Variants in GALNT17 observed in about 807,000 individuals in gnomAD.
GALNT17 encodes the protein UDP-GalNAc:polypeptide N-acetylgalactosaminyltransferase-like 3.
A neutral mutation model predicts 63.7 loss-of-function variants in GALNT17; 29 were observed. The ratio of observed to expected loss-of-function variants is 0.46; its 90% CI spans 0.34 to 0.62. The LOEUF (loss-of-function observed/expected upper bound fraction) is 0.62. Among genes scored for constraint, GALNT17 ranks in the 20% least tolerant of loss-of-function variants. GALNT17 has a pLI of 0.01. For missense variants in GALNT17, 603 were observed against 799.6 expected, an observed-to-expected ratio of 0.75 and a Z score of 2.97; for synonymous variants, 305 against 318.3, an observed-to-expected ratio of 0.96 and a Z score of 0.45.
intron 1 of GALNT17, among the ~76,000 whole-genome samples, chr7:71,253,242 C>G (rs1038940481): frequency 6.6e-6 from 1 of 152,160 alleles, no homozygotes; most frequent in African/African-American, 2.4e-5. Context: ...CACAGTTCCC[C>G]GTGGCTGGGG....
intron 3 of GALNT17, among the ~76,000 whole-genome samples, chr7:71,403,399 T>A (rs1338634369): frequency 6.6e-6 from 1 of 152,198 alleles, no homozygotes. Flanking sequence ...TGGTTTGGTA[T>A]TAGCAGAGCT....
At chr7:71,622,926 C>T (rs1790317640) in intron 6 of GALNT17, among the ~76,000 whole-genome samples, 1 of 152,200 alleles carries the variant, frequency 6.6e-6, no homozygotes, top group African/African-American at 2.4e-5. Context: ...CCAGACTTTC[C>T]TCACTGACCC....
At chr7:71,296,825 TACAC>T (rs1426025780) in intron 1 of GALNT17, among the ~76,000 whole-genome samples, 1 of 152,038 alleles carries the variant, frequency 6.6e-6, no homozygotes, top group Non-Finnish European at 1.5e-5. Flanking sequence ...ATGGTAGAAA[TACAC>T]ACACCACACA....
At chr7:71,527,124 T>C (rs554124703) in intron 5 of GALNT17, among the ~76,000 whole-genome samples, 1 of 152,336 alleles carries the variant, frequency 6.6e-6, no homozygotes, top group Non-Finnish European at 1.5e-5. Flanking sequence ...GTTTTTGTTT[T>C]CATAATTGTG....
intron 1 of GALNT17, among the ~76,000 whole-genome samples, chr7:71,293,368 C>G (rs538618266): frequency 3.9e-4 from 60 of 152,232 alleles, no homozygotes; most frequent in African/African-American, 1.4e-3. Context: ...CAACCCTTAC[C>G]TTGTCTTTTT....
At chr7:71,603,069 C>A (rs1343533015) in intron 6 of GALNT17, among the ~76,000 whole-genome samples, 1 of 152,018 alleles carries the variant, frequency 6.6e-6, no homozygotes, top group Non-Finnish European at 1.5e-5. Context: ...GGATACTATG[C>A]TAAGTGCATA....
chr7:71,471,421 A>G (rs1033679697), intron 5 of GALNT17, among the ~76,000 whole-genome samples: 1 of 123,508 alleles, frequency 8.1e-6, no homozygotes, highest in Non-Finnish European at 1.7e-5. Context: ...AAAACAAAAA[A>G]AACCAAAAAC....
chr7:71,215,730 C>G (rs1346641261), intron 1 of GALNT17, among the ~76,000 whole-genome samples: 1 of 152,126 alleles, frequency 6.6e-6, no homozygotes, highest in African/African-American at 2.4e-5. Context: ...TGGAATTTAA[C>G]TTGCTTCTGT....
intron 5 of GALNT17, among the ~76,000 whole-genome samples, chr7:71,511,956 T>C (rs1368250722): frequency 1.3e-5 from 2 of 151,924 alleles, no homozygotes; most frequent in Non-Finnish European, 2.9e-5. Context: ...TTTTTCCTTC[T>C]ATCTGCAGTT....
intron 1 of GALNT17, among the ~76,000 whole-genome samples, chr7:71,195,776 T>C (rs117656051): frequency 0.015 from 2,315 of 152,158 alleles, 91 homozygotes; most frequent in East Asian, 0.1. Flanking sequence ...CTGGAACTCC[T>C]AAGCTCAAGC....
Position 71,590,831 on chromosome 7 carries a change from G to A in GALNT17, c.1080+19429G>A, listed in dbSNP as rs140312522. Among the ~76,000 whole-genome samples the A allele has an allele frequency of 4.2e-3, 638 of 152,192 alleles. 13 individuals carry two copies. The highest frequency in any genetic ancestry group is 0.015 in the African/African-American group (611 of 41,540). On this transcript the variant is annotated intron_variant, in intron 6 of 10. Transcript: ENST00000333538. ...GAACCTCCGCCTCCTGAGTTCAAGC[G>A]ATTCTCCAGCCTCAGCCTCCCAAGT...
intron 9 of GALNT17, among the ~76,000 whole-genome samples, chr7:71,693,853 CA>C (rs1220926003): frequency 6.8e-6 from 1 of 148,122 alleles, no homozygotes; most frequent in Non-Finnish European, 1.5e-5. Flanking sequence ...GGAAAGAAAA[CA>C]AGTTCTTTGT....
chr7:71,340,440 G>C (rs1791988286), intron 2 of GALNT17, among the ~76,000 whole-genome samples: 1 of 152,138 alleles, frequency 6.6e-6, no homozygotes, highest in Non-Finnish European at 1.5e-5. Context: ...CTAAGGAAAA[G>C]GCTGATAGAT....
intron 9 of GALNT17, among the ~76,000 whole-genome samples, chr7:71,707,361 T>A (rs950622856): frequency 1.3e-5 from 2 of 152,190 alleles, no homozygotes; most frequent in Non-Finnish European, 2.9e-5. Flanking sequence ...GCATTTTTTT[T>A]ATTTTGGAAT....
At chr7:71,662,960 T>C (rs648415) in intron 6 of GALNT17, among the ~76,000 whole-genome samples, 98,231 of 152,098 alleles carry the variant, frequency 0.65, 32,426 homozygotes, top group East Asian at 0.99. Flanking sequence ...AAGATATTAT[T>C]CCTTAGCCCA....
chr7:71,610,667 A>G (rs1790111956), intron 6 of GALNT17, among the ~76,000 whole-genome samples: 1 of 152,162 alleles, frequency 6.6e-6, no homozygotes, highest in Admixed American at 6.5e-5. Flanking sequence ...CATTATTATT[A>G]CATGAGATTC....
intron 5 of GALNT17, among the ~76,000 whole-genome samples, chr7:71,562,443 G>A (rs1789272160): frequency 6.6e-6 from 1 of 152,210 alleles, no homozygotes; most frequent in South Asian, 2.1e-4. Flanking sequence ...TGTAGAATCA[G>A]TGGGAGCCCT....
chr7:71,159,053 G>A (rs556846484), intron 1 of GALNT17, among the ~76,000 whole-genome samples: 2 of 151,800 alleles, frequency 1.3e-5, no homozygotes, highest in East Asian at 3.9e-4. Flanking sequence ...GCTTTTACAA[G>A]CTAATACCCT....
At chr7:71,209,537 C>T (rs1379271754) in intron 1 of GALNT17, among the ~76,000 whole-genome samples, 1 of 152,012 alleles carries the variant, frequency 6.6e-6, no homozygotes, top group East Asian at 1.9e-4. Context: ...TTTGCTGTGT[C>T]ACCCAGGCTA....
Sources: gnomAD v4.1 joint callset for allele counts (sites outside exome capture counted in the v4.1 genomes callset) on GRCh38, gnomAD v4.1.1 for gene constraint, MANE v1.5 for transcripts, NCBI Gene and HGNC (gene_info 2026-07-23, HGNC 2026-07-21) for gene names.